Variants in ZFP2 observed in about 807,000 individuals in gnomAD.
ZFP2 encodes zinc finger protein ZFP2.
ZFP2 carries 33 observed loss-of-function variants against 36.1 expected under a neutral mutation model. The ratio of observed to expected loss-of-function variants is 0.92; its 90% confidence interval spans 0.69 to 1.22. The LOEUF (loss-of-function observed/expected upper bound fraction) is 1.22, where lower values mean the gene tolerates loss of function less well. ZFP2 is among the 50% of genes most tolerant of loss of function. The pLI is 0.00. For synonymous variants in ZFP2, 170 were observed against 178.0 expected (o/e 0.96, Z 0.36); for missense variants, 522 against 551.4 (o/e 0.95, Z 0.53).
intron 4 of ZFP2, among the ~76,000 whole-genome samples, chr5:178,924,730 C>G (rs1171052988): frequency 6.7e-6 from 1 of 148,388 alleles, no homozygotes; most frequent in Non-Finnish European, 1.5e-5. Flanking sequence ...TCCCTGTAGT[C>G]CCAGCTACTT....
At chr5:178,898,032 C>T (rs550996034) in intron 1 of ZFP2, among the ~76,000 whole-genome samples, 1 of 152,086 alleles carries the variant, frequency 6.6e-6, no homozygotes, top group Non-Finnish European at 1.5e-5. Context: ...GCTCTGTCAC[C>T]GAGGCTAGAG....
At chr5:178,906,157 C>T (rs890203727) in intron 1 of ZFP2, among the ~76,000 whole-genome samples, 5 of 152,150 alleles carry the variant, frequency 3.3e-5, no homozygotes, top group African/African-American at 1.2e-4. Context: ...AGAAGCTCTG[C>T]GCATGCTGAG....
intron 1 of ZFP2, among the ~76,000 whole-genome samples, chr5:178,909,197 C>G (rs966495608): frequency 2.6e-5 from 4 of 151,952 alleles, no homozygotes; most frequent in African/African-American, 9.7e-5. Flanking sequence ...CGTAAAACCC[C>G]TCGTGGCCTC....
intron 4 of ZFP2, among the ~76,000 whole-genome samples, chr5:178,920,110 CCTT>C (rs1226784170): frequency 3.3e-5 from 5 of 152,154 alleles, no homozygotes; most frequent in African/African-American, 1.2e-4. Flanking sequence ...AACATTTTCT[CCTT>C]CTCTGGGACT....
Position 178,932,153 on chromosome 5 carries a change from T to G in ZFP2, c.840T>G (p.Ser280Arg), listed in dbSNP as rs1213047171. Residue 280 changes from serine (S) to arginine (R), a missense_variant, in exon 5 of 5, where the codon AGT becomes AGG. Coordinates refer to ENST00000361362, the MANE Select transcript of ZFP2 (RefSeq NM_030613.4). ...GTAGTCAATGTGGAAAAGCCTTTAG[T>G]AAGAGCTCAACTCTTACCCTACATC... is the stretch of plus-strand genomic sequence containing the variant. ...YECSQCGKAFSKSSTLTLHQR... is the reference protein window; with the variant it reads ...YECSQCGKAFRKSSTLTLHQR... 1 of 1,613,322 alleles carries G rather than the reference T, an allele frequency of 6.2e-7. No individual in the cohort carries two copies. The highest frequency in any genetic ancestry group is 8.5e-7 in the Non-Finnish European group (1 of 1,179,490).
In ZFP2 at chr5:178,922,724, G is replaced by A. The variant is rs372902572; in HGVS notation, c.-78+6014G>A. On this transcript the variant is annotated intron_variant, in intron 4 of 4. Coordinates refer to ENST00000361362, the MANE Select transcript of ZFP2 (RefSeq NM_030613.4). ...AACTTACATACAAGAACAATTAACTGGAGCAAAGGGAGATATTTCTTTGTG... is the reference window on the plus strand; with the variant it reads ...AACTTACATACAAGAACAATTAACTAGAGCAAAGGGAGATATTTCTTTGTG... 1.3e-5 allele frequency: 20 copies of A among 1,567,872 alleles called. 3 individuals carry two copies. In the Middle Eastern group the frequency reaches 6.9e-4, roughly 54 times the overall value.
At chr5:178,928,406 C>T (rs765818711) in intron 4 of ZFP2, among the ~76,000 whole-genome samples, 2 of 152,200 alleles carry the variant, frequency 1.3e-5, no homozygotes, top group Admixed American at 1.3e-4. Context: ...AGTTAGTTAC[C>T]TCCAAGATAT....
chr5:178,917,344 G>A lies in ZFP2; in HGVS notation c.-78+634G>A, dbSNP rs544550027. Reference sequence around the variant, plus strand: ...ATTTTTAAAAATGTGGCCGGGCGTCGTGGCTCACACCTGTAATCCCAGCAT... The same window carrying A: ...ATTTTTAAAAATGTGGCCGGGCGTCATGGCTCACACCTGTAATCCCAGCAT... On this transcript the variant is annotated intron_variant, in intron 4 of 4. Coordinates refer to ENST00000361362, the MANE Select transcript of ZFP2 (RefSeq NM_030613.4). Among the ~76,000 whole-genome samples, 8 of 152,232 alleles carry A rather than the reference G, an allele frequency of 5.3e-5. No homozygotes were observed. The South Asian group carries it at 1.2e-3, about 24-fold the overall frequency.
chr5:178,916,479 G>T, intron 3 of ZFP2, 86 bp from the exon 4 acceptor site: 1 of 872,002 alleles, frequency 1.1e-6, no homozygotes, highest in Non-Finnish European at 1.4e-6. Context: ...CATTGCAGTG[G>T]GAGAAACTAA....
intron 4 of ZFP2, among the ~76,000 whole-genome samples, chr5:178,921,255 T>C (rs1265107555): frequency 6.6e-6 from 1 of 152,180 alleles, no homozygotes; most frequent in African/African-American, 2.4e-5. Flanking sequence ...AATTCTCCCC[T>C]GTCTATGTCC....
chr5:178,908,832 A>G (rs1299514948), intron 1 of ZFP2, among the ~76,000 whole-genome samples: 2 of 150,988 alleles, frequency 1.3e-5, no homozygotes, highest in Non-Finnish European at 3.0e-5. Flanking sequence ...AGAGAAAGCT[A>G]TGTTGGGAGA....
In ZFP2 at chr5:178,931,655, C is replaced by T. The variant is rs1758843015; in HGVS notation, c.342C>T (p.Ser114=). The change falls in exon 5 of 5, where the codon AGC becomes AGT. Residue 114 remains serine, a synonymous_variant. Transcript: ENST00000361362. ...CNQCSKTFSQ[S]SSLLKHQRIH... is the part of the protein sequence containing the mutation. ...AGTGCAGCAAAACCTTCAGTCAGAG[C>T]TCATCCCTTCTTAAGCACCAGAGGA... 2 of 1,614,100 alleles carry T rather than the reference C, an allele frequency of 1.2e-6. No homozygotes were observed. Among genetic ancestry groups the T allele is most frequent in the Non-Finnish European group, 1.7e-6 (2 of 1,180,010 alleles).
chr5:178,909,874 T>G, intron 1 of ZFP2: 1 of 1,577,638 alleles, frequency 6.3e-7, no homozygotes, highest in Non-Finnish European at 8.7e-7. Flanking sequence ...ATCACCTGAG[T>G]GAAGTTAAGG....
chr5:178,910,044 G>A (rs1236191156), intron 1 of ZFP2: 1 of 1,463,924 alleles, frequency 6.8e-7, no homozygotes, highest in Non-Finnish European at 9.6e-7. Context: ...CCCTTCTTCA[G>A]AGTCCAGGCC....
intron 1 of ZFP2, chr5:178,910,315 A>T (rs1218916846): frequency 1.1e-5 from 14 of 1,221,186 alleles, no homozygotes; most frequent in Non-Finnish European, 1.7e-5. Flanking sequence ...GCATCTTCCC[A>T]CTCATCCTTG....
At chr5:178,912,194 G>A (rs1431243683) in intron 1 of ZFP2, among the ~76,000 whole-genome samples, 2 of 152,220 alleles carry the variant, frequency 1.3e-5, no homozygotes, top group Non-Finnish European at 2.9e-5. Flanking sequence ...GTGACTGTAT[G>A]TGGCTGATAA....
At chr5:178,922,794 A>C in intron 4 of ZFP2, 1 of 1,435,428 alleles carries the variant, frequency 7.0e-7, no homozygotes, top group Non-Finnish European at 9.4e-7. Flanking sequence ...GTCAAAGCCA[A>C]GCAGTTCCAT....
chr5:178,926,498 T>A (rs987720611), intron 4 of ZFP2, among the ~76,000 whole-genome samples: 3 of 151,996 alleles, frequency 2.0e-5, no homozygotes, highest in African/African-American at 7.2e-5. Context: ...GAGCTGCCAA[T>A]TCACATGTCA....
At chr5:178,903,416 T>G (rs1298476904) in intron 1 of ZFP2, among the ~76,000 whole-genome samples, 1 of 152,174 alleles carries the variant, frequency 6.6e-6, no homozygotes, top group African/African-American at 2.4e-5. Flanking sequence ...AATTCCAAGT[T>G]TCCAACCCTC....
Sources: gnomAD v4.1 joint callset for allele counts (sites outside exome capture counted in the v4.1 genomes callset) on GRCh38, gnomAD v4.1.1 for gene constraint, MANE v1.5 for transcripts, NCBI Gene and HGNC (gene_info 2026-07-23, HGNC 2026-07-21) for gene names.